The following ZHX2 variants were observed in gnomAD, a reference collection of about 807,000 sequenced individuals.
ZHX2 encodes zinc fingers and homeoboxes protein 2.
A neutral mutation model predicts 21.9 loss-of-function variants in ZHX2; 6 were observed. The ratio of observed to expected loss-of-function variants is 0.27; its 90% confidence interval spans 0.15 to 0.54. ZHX2 has a LOEUF of 0.54. Among genes scored for constraint, ZHX2 ranks in the 20% least tolerant of loss-of-function variants. The pLI is 0.95. For missense variants in ZHX2, 908 were observed against 1,090.7 expected, an observed-to-expected ratio of 0.83 and a Z score of 2.36; for synonymous variants, 434 against 437.1, an observed-to-expected ratio of 0.99 and a Z score of 0.09.
intron 3 of ZHX2, among the ~76,000 whole-genome samples, chr8:122,970,471 G>A (rs1232044013): frequency 6.6e-6 from 1 of 152,100 alleles, no homozygotes. Context: ...CTGTGCAATG[G>A]AAGTGAGACT....
At chr8:122,800,064 C>G (rs1817687742) in intron 1 of ZHX2, among the ~76,000 whole-genome samples, 1 of 152,164 alleles carries the variant, frequency 6.6e-6, no homozygotes, top group South Asian at 2.1e-4. Context: ...ACATGTTGGT[C>G]AGGCTGGTCT....
intron 2 of ZHX2, among the ~76,000 whole-genome samples, chr8:122,873,969 CTT>C (rs1039377795): frequency 6.6e-6 from 1 of 152,184 alleles, no homozygotes; most frequent in Non-Finnish European, 1.5e-5. Flanking sequence ...TTAAAGGACT[CTT>C]ATGATTACCT....
chr8:122,797,066 G>A (rs1442573519), intron 1 of ZHX2, among the ~76,000 whole-genome samples: 1 of 152,194 alleles, frequency 6.6e-6, no homozygotes, highest in Non-Finnish European at 1.5e-5. Context: ...TCAGGTGCAG[G>A]AAACCTCTGG....
intron 2 of ZHX2, among the ~76,000 whole-genome samples, chr8:122,923,827 T>C (rs1468734936): frequency 6.6e-6 from 1 of 152,214 alleles, no homozygotes; most frequent in Non-Finnish European, 1.5e-5. Flanking sequence ...GGCTCCCAAT[T>C]ATAAATGCTC....
intron 2 of ZHX2, among the ~76,000 whole-genome samples, chr8:122,872,314 A>G (rs1819461187): frequency 6.6e-6 from 1 of 152,168 alleles, no homozygotes; most frequent in Non-Finnish European, 1.5e-5. Flanking sequence ...CAACTGCCCC[A>G]TGTGCCACTC....
intron 1 of ZHX2, among the ~76,000 whole-genome samples, chr8:122,847,712 G>A (rs1818784136): frequency 6.6e-6 from 1 of 152,172 alleles, no homozygotes; most frequent in Admixed American, 6.5e-5. Flanking sequence ...TTCCAAAGCT[G>A]GCGCCAGGGC....
At position 122,781,937 on chromosome 8, in the gene ZHX2, C is replaced by T. The variant is rs1414057584; in HGVS notation, c.-292C>T. On this transcript the variant is annotated 5_prime_UTR_variant, in exon 1 of 4. Coordinates refer to ENST00000314393, the MANE Select transcript of ZHX2 (RefSeq NM_014943.5). The surrounding 1 kb of genome is among the most constrained non-coding windows in gnomAD (Gnocchi z 4.6). ...CAGCCCGGGTCCCCGCGTTCACAGC[C>T]CCAGCGCAGGTAAGAAACTTCGCCT... 1 of 152,446 alleles carries T rather than the reference C, an allele frequency of 6.6e-6. No homozygotes were observed. 9.4% of individuals were successfully genotyped at this position (152,446 alleles called of 1,614,324 possible). A position where few individuals can be genotyped will look rare whatever the true frequency, so the allele number is the denominator to read the frequency against.
chr8:122,791,860 A>G (rs567878084), intron 1 of ZHX2, among the ~76,000 whole-genome samples: 23 of 134,950 alleles, frequency 1.7e-4, no homozygotes, highest in East Asian at 1.2e-3. Context: ...GTGAGACTCC[A>G]TCTCATAAAA....
At chr8:122,959,738 A>G (rs527392235) in intron 3 of ZHX2, among the ~76,000 whole-genome samples, 16 of 152,242 alleles carry the variant, frequency 1.1e-4, no homozygotes, top group Non-Finnish European at 1.5e-4. Context: ...CCTGTTGGAG[A>G]ATCTGTCACC....
intron 1 of ZHX2, among the ~76,000 whole-genome samples, chr8:122,794,001 G>A (rs2384844): frequency 0.28 from 42,771 of 152,126 alleles, 6,900 homozygotes; most frequent in Non-Finnish European, 0.37. Context: ...ACCAGTCATC[G>A]TACATGTGGG....
intron 1 of ZHX2, among the ~76,000 whole-genome samples, chr8:122,859,667 G>A (rs1819115368): frequency 6.6e-6 from 1 of 152,108 alleles, no homozygotes; most frequent in South Asian, 2.1e-4. Flanking sequence ...GGTGGGGAGC[G>A]TGGTCTTTGC....
chr8:122,866,535 A>C (rs1356489975), intron 2 of ZHX2, among the ~76,000 whole-genome samples: 1 of 152,148 alleles, frequency 6.6e-6, no homozygotes, highest in Non-Finnish European at 1.5e-5. Flanking sequence ...TATGACACAA[A>C]CACAGCGCCT....
chr8:122,878,515 C>T lies in ZHX2; in HGVS notation c.-220+14976C>T, dbSNP rs111301687. 6.6e-3 allele frequency among the ~76,000 whole-genome samples: 1,012 copies of T among 152,272 alleles called. 11 individuals carry two copies. Among genetic ancestry groups the T allele is most frequent in the African/African-American group, 0.023 (969 of 41,570 alleles). ...GACAAAGCTTCGCACATCATTCATC[C>T]TCCAGCAGTCTCACCCAGGCATGAT... On this transcript the variant is annotated intron_variant, in intron 2 of 3. Coordinates refer to ENST00000314393, the MANE Select transcript of ZHX2 (RefSeq NM_014943.5).
In ZHX2 at chr8:122,806,181, A is replaced by G. The variant is rs75444338; in HGVS notation, c.-283+24235A>G. ...AGTCACTTTCGATGGCATTAAAGTA[A>G]GGCCTGGGAATGAAAGCTCAGCCTG... On this transcript the variant is annotated intron_variant, in intron 1 of 3. Transcript: ENST00000314393. 7.9e-4 allele frequency among the ~76,000 whole-genome samples: 121 copies of G among 152,350 alleles called. 2 individuals are homozygous for G. Among genetic ancestry groups the G allele is most frequent in the African/African-American group, 2.6e-3 (107 of 41,582 alleles).
chr8:122,875,132 TATATATATATATATATATA>T lies in ZHX2; in HGVS notation c.-220+11594_-220+11612del, dbSNP rs1819535070. ...TTTTAGAGGAAGGAAAACTCTGTTATATATATATATATATATATATATATATATATATATATATATATAT... is the reference window on the plus strand; with the variant it reads ...TTTTAGAGGAAGGAAAACTCTGTTATTATATATATATATATATATATATAT... On this transcript the variant is annotated intron_variant, in intron 2 of 3. Transcript: ENST00000314393. 3.9e-3 allele frequency among the ~76,000 whole-genome samples: 377 copies of T among 96,730 alleles called. 55 individuals are homozygous for T. The highest frequency in any genetic ancestry group is 6.9e-3 in the Admixed American group (73 of 10,530). The allele number at this position is 96,730 out of a possible 152,430, so 63.5% of individuals were successfully genotyped here. A position where few individuals can be genotyped will look rare whatever the true frequency, so the allele number is the denominator to read the frequency against.
At chr8:122,959,818 T>G (rs1450383627) in intron 3 of ZHX2, among the ~76,000 whole-genome samples, 2 of 152,176 alleles carry the variant, frequency 1.3e-5, no homozygotes, top group African/African-American at 4.8e-5. Context: ...AACAGGGAGT[T>G]AACTGATACC....
intron 2 of ZHX2, among the ~76,000 whole-genome samples, chr8:122,927,111 T>G (rs1820877851): frequency 6.6e-6 from 1 of 152,190 alleles, no homozygotes; most frequent in Non-Finnish European, 1.5e-5. Context: ...CCTCACAAGC[T>G]AGTACAGCAC....
At chr8:122,825,701 T>C (rs1473078708) in intron 1 of ZHX2, among the ~76,000 whole-genome samples, 1 of 152,188 alleles carries the variant, frequency 6.6e-6, no homozygotes, top group East Asian at 1.9e-4. Context: ...CTATAATATT[T>C]GGTAAAGAAG....
At chr8:122,853,646 C>A (rs1484562945) in intron 1 of ZHX2, among the ~76,000 whole-genome samples, 1 of 152,116 alleles carries the variant, frequency 6.6e-6, no homozygotes, top group Non-Finnish European at 1.5e-5. Context: ...CCCTCCGCTC[C>A]CCTCCTTGGA....
Sources: allele counts gnomAD v4.1 joint callset (sites outside exome capture counted in the v4.1 genomes callset), GRCh38; gene constraint gnomAD v4.1.1; non-coding constraint Gnocchi (gnomAD v3.1); transcripts MANE v1.5; gene names NCBI Gene and HGNC (gene_info 2026-07-23, HGNC 2026-07-21).